The following MGAM variants were observed in gnomAD, a reference collection of about 807,000 sequenced individuals.
The protein encoded by MGAM is maltase-glucoamylase.
In MGAM, 253 loss-of-function variants were observed where a neutral mutation model predicts 358.8. That is an observed-to-expected ratio of 0.71 (90% CI 0.64 to 0.78). MGAM has a LOEUF of 0.78. Among genes scored for constraint, MGAM ranks in the 30% least tolerant of loss-of-function variants. MGAM has a pLI of 0.00. For synonymous variants in MGAM, 1,105 were observed against 1,227.1 expected, an observed-to-expected ratio of 0.90 and a Z score of 2.08; for missense variants, 3,080 against 3,432.6, an observed-to-expected ratio of 0.90 and a Z score of 2.57.
At position 142,021,058 on chromosome 7, in the gene MGAM, A is replaced by G. The variant is rs781983176; in HGVS notation, c.533A>G (p.Gln178Arg). The change falls in exon 5 of 71, where the codon CAG (glutamine) becomes CGG (arginine). Residue 178 changes from glutamine to arginine, a missense_variant. Gln to Arg is a conservative substitution (Grantham distance 43). This residue lies in a region of MGAM where 1,816 missense variants were observed against 1,840.5 expected (regional missense o/e 0.99). Transcript: ENST00000475668. Reference protein sequence around the residue: ...VDNVLLTAEYQTSNRFHFKLT... With the variant: ...VDNVLLTAEYRTSNRFHFKLT... ...AATGTTCTTCTCACAGCAGAATATC[A>G]GACATCTAATCGTTTCCACTTTAAG... is the stretch of plus-strand genomic sequence containing the variant. 7 of 1,611,166 alleles carry G rather than the reference A, an allele frequency of 4.3e-6. No homozygotes were observed. In the African/African-American group the frequency reaches 9.4e-5, roughly 22 times the overall value.
upstream of MGAM, chr7:141,995,814 T>A (rs1277098287): frequency 6.6e-6 from 1 of 152,242 alleles, no homozygotes; most frequent in Non-Finnish European, 1.5e-5. Context: ...TAACATTTTC[T>A]TGATAGGTCG....
rs73738777 is a variant in MGAM, at chr7:142,080,695, G to A, written c.5848-96G>A. The A allele has an allele frequency of 6.2e-3, 6,800 of 1,088,760 alleles. 477 individuals carry two copies. In the African/African-American group the frequency reaches 0.088, roughly 14 times the overall value. 67.4% of individuals were successfully genotyped at this position (1,088,760 alleles called of 1,614,324 possible). ...TAAACTTAAAGAAGACAGAAACATA[G>A]CATCTGAACTTTTGTCCAAAAATCA... On this transcript the variant is annotated intron_variant, in intron 49 of 70. Coordinates refer to ENST00000475668, the MANE Select transcript of MGAM (RefSeq NM_001365693.1).
At position 142,094,573 on chromosome 7, in the gene MGAM, G is replaced by GT; in HGVS notation, c.7307-46dup. 2.6e-6 allele frequency: 4 copies of GT among 1,555,658 alleles called. 1 individual carries two copies. Among genetic ancestry groups the GT allele is most frequent in the Non-Finnish European group, 3.5e-6 (4 of 1,132,376 alleles). On this transcript the variant is annotated intron_variant, in intron 61 of 70. Coordinates refer to ENST00000475668, the MANE Select transcript of MGAM (RefSeq NM_001365693.1). ...CCTTGGGGAAGAGGTGAGGAGGCAG[G>GT]TCGTGAGAGCGAGCCTGGTGTGACA...
chr7:142,054,218 C>G (rs1029537130), intron 26 of MGAM, among the ~76,000 whole-genome samples: 2 of 152,224 alleles, frequency 1.3e-5, no homozygotes, highest in African/African-American at 4.8e-5. Context: ...GAGCTGCTCT[C>G]TTTGACTTCT....
chr7:142,019,458 C>G, intron 4 of MGAM, 139 bp downstream of exon 4: 1 of 913,206 alleles, frequency 1.1e-6, no homozygotes, highest in Middle Eastern at 3.1e-4. Context: ...TGCTCTTAAT[C>G]GAGGACTAGA....
At chr7:142,087,771 G>A in intron 57 of MGAM, among the ~76,000 whole-genome samples, 1 of 146,632 alleles carries the variant, frequency 6.8e-6, no homozygotes, top group Non-Finnish European at 1.5e-5. Flanking sequence ...TACTCTCTCA[G>A]GATCAAGTAT....
intron 35 of MGAM, among the ~76,000 whole-genome samples, chr7:142,062,913 G>C (rs1812357528): frequency 6.6e-6 from 1 of 152,124 alleles, no homozygotes; most frequent in Non-Finnish European, 1.5e-5. Flanking sequence ...AACCTGTGAG[G>C]CGGGACCAGG....
At chr7:142,101,112 A>G (rs1238261111) in intron 68 of MGAM, among the ~76,000 whole-genome samples, 2 of 152,200 alleles carry the variant, frequency 1.3e-5, no homozygotes, top group Non-Finnish European at 1.5e-5. Context: ...TTTGTAATCC[A>G]CTATAGAAGG....
chr7:142,073,952 G>A, intron 44 of MGAM, 133 bp from the exon 45 acceptor site: 1 of 684,654 alleles, frequency 1.5e-6, no homozygotes, highest in Non-Finnish European at 2.5e-6. Flanking sequence ...TCGATTTTGT[G>A]TTTGTACCTC....
chr7:142,092,443 T>C (rs1304898555), intron 58 of MGAM, 78 bp from the exon 59 acceptor site: 2 of 1,330,150 alleles, frequency 1.5e-6, no homozygotes, highest in African/African-American at 2.8e-5. Context: ...AACAATGTAT[T>C]CACTGCTTCC....
chr7:142,005,570 A>T lies in MGAM; in HGVS notation c.40A>T (p.Ile14Phe), dbSNP rs919382645. The T allele has an allele frequency of 6.3e-7, 1 of 1,579,274 alleles. No individual in the cohort carries two copies. ...GCTGAAAAAATTTACTACTTTGGAG[A>T]TTGTGCTCAGTGTTCTTCTGCTTGT... ...KKLKKFTTLE[I>F]VLSVLLLVLF... Residue 14 changes from isoleucine (I) to phenylalanine (F), a missense_variant, in exon 2 of 71, where the codon ATT (isoleucine) becomes TTT (phenylalanine). Coordinates refer to ENST00000475668, the MANE Select transcript of MGAM (RefSeq NM_001365693.1).
Position 142,076,650 on chromosome 7 carries a change from G to A in MGAM, c.5326-9G>A, listed in dbSNP as rs770215636. 103 of 1,526,058 alleles carry A rather than the reference G, an allele frequency of 6.7e-5. 17 individuals carry two copies. Among genetic ancestry groups the A allele is most frequent in the Non-Finnish European group, 7.8e-5 (87 of 1,109,040 alleles). The allele number at this position is 1,526,058 out of a possible 1,614,324, so 94.5% of individuals were successfully genotyped here. A position where few individuals can be genotyped will look rare whatever the true frequency, so the allele number is the denominator to read the frequency against. On this transcript the variant is annotated splice_polypyrimidine_tract_variant and intron_variant, in intron 46 of 70. Transcript: ENST00000475668. ...CCTTTATGCATAATTGGAGTTAATTGTTTTGCAGAACCACTTGGAGGTGAC... is the reference window on the plus strand; with the variant it reads ...CCTTTATGCATAATTGGAGTTAATTATTTTGCAGAACCACTTGGAGGTGAC...
chr7:142,076,996 G>A (rs1360662772), intron 47 of MGAM, among the ~76,000 whole-genome samples, 170 bp downstream of exon 47: 1 of 145,128 alleles, frequency 6.9e-6, no homozygotes, highest in Non-Finnish European at 1.6e-5. Flanking sequence ...AAATGAGGTG[G>A]CCAGAGCTAG....
chr7:142,053,818 A>G (rs1260201652), intron 26 of MGAM, among the ~76,000 whole-genome samples: 1 of 152,178 alleles, frequency 6.6e-6, no homozygotes, highest in African/African-American at 2.4e-5. Context: ...CCTCTAATGC[A>G]GGGAAGAATC....
intron 29 of MGAM, among the ~76,000 whole-genome samples, chr7:142,056,484 C>T (rs2961079): frequency 0.57 from 87,201 of 151,880 alleles, 25,218 homozygotes; most frequent in Admixed American, 0.65. Flanking sequence ...GCTCACTGTC[C>T]GGGTGAGGGA....
intron 7 of MGAM, among the ~76,000 whole-genome samples, chr7:142,022,796 T>G (rs1299103047): frequency 6.6e-6 from 1 of 152,206 alleles, no homozygotes; most frequent in East Asian, 1.9e-4. Context: ...ATATCTGTAC[T>G]CTCAACAACA....
intron 32 of MGAM, 108 bp downstream of exon 32, chr7:142,059,708 A>G (rs1811916022): frequency 1.3e-6 from 2 of 1,580,386 alleles, no homozygotes; most frequent in East Asian, 4.5e-5. Flanking sequence ...ATTGAAGTGC[A>G]GTAAGAAAGG....
Position 142,067,471 on chromosome 7 carries a change from C to G in MGAM, c.5004+46C>G, listed in dbSNP as rs763269157. 4 of 1,465,714 alleles carry G rather than the reference C, an allele frequency of 2.7e-6. No individual in the cohort carries two copies. In the South Asian group the frequency reaches 4.6e-5, roughly 17 times the overall value. 90.8% of individuals were successfully genotyped at this position (1,465,714 alleles called of 1,614,324 possible). On this transcript the variant is annotated intron_variant, in intron 42 of 70. Transcript: ENST00000475668. ...TGAGGGGAGGATCCCAGCTGTGAGG[C>G]TTGGGGAAAAGGACGAGGAGAAGAG... is the stretch of plus-strand genomic sequence containing the variant.
Position 142,080,834 on chromosome 7 carries a change from T to C in MGAM, c.5891T>C (p.Leu1964Pro), listed in dbSNP as rs577214016. The C allele has an allele frequency of 1.3e-6, 2 of 1,556,496 alleles. No individual in the cohort carries two copies. The highest frequency in any genetic ancestry group is 2.2e-5 in the South Asian group (2 of 89,236). Residue 1964 changes from leucine (L) to proline (P), a missense_variant, in exon 50 of 71, where the codon CTG becomes CCG. Leu to Pro is a moderately conservative substitution (Grantham distance 98). This residue lies in a region of MGAM where 932 missense variants were observed against 1,198.2 expected (regional missense o/e 0.78). Coordinates refer to ENST00000475668, the MANE Select transcript of MGAM (RefSeq NM_001365693.1). ...AATCGGTATGAAGTTCCAGTCCCTC[T>C]GAACATACCCAGCGTGCCATCCAGC... ...NNNRYEVPVP[L>P]NIPSVPSSTP...
Sources: gnomAD v4.1 joint callset for allele counts (sites outside exome capture counted in the v4.1 genomes callset) on GRCh38, gnomAD v4.1.1 for gene constraint, gnomAD v4.1.1 regional missense constraint, MANE v1.5 for transcripts, NCBI Gene and HGNC (gene_info 2026-07-23, HGNC 2026-07-21) for gene names.